Variants in VTI1A observed in about 807,000 individuals in gnomAD.
VTI1A encodes vesicle transport through interaction with t-SNAREs 1A, also known as vesicle transport through interaction with t-SNAREs homolog 1A.
VTI1A carries 22 observed loss-of-function variants against 34.9 expected under a neutral mutation model. The ratio of observed to expected loss-of-function variants is 0.63; its 90% confidence interval spans 0.45 to 0.90. The LOEUF (loss-of-function observed/expected upper bound fraction) is 0.90. VTI1A is among the 40% of genes least tolerant of loss of function. The pLI, the probability that VTI1A is intolerant of heterozygous loss-of-function variation, is 0.00. For missense variants in VTI1A, 268 were observed against 275.6 expected (o/e 0.97, Z 0.20); for synonymous variants, 87 against 97.3 (o/e 0.89, Z 0.62).
the VTI1A span, among the ~76,000 whole-genome samples, chr10:112,836,678 G>A: frequency 3.9e-5 from 6 of 152,134 alleles, no homozygotes; most frequent in Non-Finnish European, 8.8e-5. Context: ...TGACCTAAAA[G>A]GGGAGTCTAA....
chr10:112,631,485 T>G (rs915254440), intron 5 of VTI1A, among the ~76,000 whole-genome samples: 3 of 152,226 alleles, frequency 2.0e-5, no homozygotes, highest in Non-Finnish European at 4.4e-5. Flanking sequence ...TCATCTATTC[T>G]GGATATTCCA....
intron 7 of VTI1A, chr10:112,737,981 G>C: frequency 2.7e-6 from 2 of 735,510 alleles, no homozygotes; most frequent in Non-Finnish European, 1.7e-6. Context: ...CAAGTCCTCC[G>C]ATGTCCAGAG....
chr10:112,612,371 C>T (rs1845350859), intron 5 of VTI1A, among the ~76,000 whole-genome samples: 1 of 152,100 alleles, frequency 6.6e-6, no homozygotes, highest in African/African-American at 2.4e-5. Flanking sequence ...TTCTTGCTTC[C>T]TACTAGTCAT....
intron 1 of VTI1A, among the ~76,000 whole-genome samples, chr10:112,459,046 T>C (rs77102143): frequency 0.017 from 2,620 of 152,294 alleles, 61 homozygotes; most frequent in African/African-American, 0.057. Flanking sequence ...GTAGGTGTTG[T>C]ACCCATTTCA....
intron 7 of VTI1A, among the ~76,000 whole-genome samples, chr10:112,770,079 G>A (rs1411016368): frequency 2.7e-5 from 4 of 150,728 alleles, no homozygotes; most frequent in East Asian, 1.9e-4. Flanking sequence ...ATTTCAAACC[G>A]AGCAGGCCAA....
chr10:112,456,887 C>A (rs1415758613), intron 1 of VTI1A, among the ~76,000 whole-genome samples: 1 of 152,192 alleles, frequency 6.6e-6, no homozygotes, highest in African/African-American at 2.4e-5. Flanking sequence ...TCCTTGGTAT[C>A]CTGAGCTACT....
At chr10:112,783,153 T>A (rs1054806972) in intron 7 of VTI1A, among the ~76,000 whole-genome samples, 1 of 152,236 alleles carries the variant, frequency 6.6e-6, no homozygotes, top group Non-Finnish European at 1.5e-5. Flanking sequence ...GTGTGTAATC[T>A]TTGGGATAAT....
Position 112,595,825 on chromosome 10 carries a change from G to T in VTI1A, c.427+57495G>T, listed in dbSNP as rs1474290891. 5.9e-5 allele frequency among the ~76,000 whole-genome samples: 9 copies of T among 151,962 alleles called. No individual in the cohort carries two copies. The South Asian group carries it at 1.2e-3, about 21-fold the overall frequency. On this transcript the variant is annotated intron_variant, in intron 5 of 7. Transcript: ENST00000393077. ...TCCCATTACTGGGTATATACCCAAA[G>T]GACTATAAATCATGCTGCTATAAAG...
At chr10:112,841,584 G>T in the VTI1A span, among the ~76,000 whole-genome samples, 1 of 152,168 alleles carries the variant, frequency 6.6e-6, no homozygotes, top group Non-Finnish European at 1.5e-5. Context: ...GGACCCTCTT[G>T]CTGCCAGGGA....
intron 1 of VTI1A, among the ~76,000 whole-genome samples, chr10:112,452,006 A>G (rs1260709957): frequency 6.6e-6 from 1 of 152,200 alleles, no homozygotes; most frequent in African/African-American, 2.4e-5. Context: ...TTTATTTTTG[A>G]AAACTTTAAA....
chr10:112,781,234 C>T lies in VTI1A; in HGVS notation c.561-34056C>T, dbSNP rs957817791. ...TGCTGGGATTACAGGCATGAGCCAC[C>T]GCGCCCGGCCCAGATCTTAATTCAA... On this transcript the variant is annotated intron_variant, in intron 7 of 7. Coordinates refer to ENST00000393077, the MANE Select transcript of VTI1A (RefSeq NM_145206.4). 9.9e-5 allele frequency among the ~76,000 whole-genome samples: 15 copies of T among 152,074 alleles called. 1 individual carries two copies. The highest frequency in any genetic ancestry group is 6.4e-3 in the Middle Eastern group (2 of 314).
At chr10:112,611,538 G>A (rs1226491751) in intron 5 of VTI1A, among the ~76,000 whole-genome samples, 1 of 152,086 alleles carries the variant, frequency 6.6e-6, no homozygotes, top group Non-Finnish European at 1.5e-5. Context: ...GGTTCAGTGG[G>A]AAGCTTGTTG....
At chr10:112,550,767 G>A (rs760156096) in intron 5 of VTI1A, among the ~76,000 whole-genome samples, 5 of 152,024 alleles carry the variant, frequency 3.3e-5, no homozygotes, top group Non-Finnish European at 7.4e-5. Flanking sequence ...TTAGAGAGAG[G>A]AAGAAACCAT....
At chr10:112,790,557 C>T (rs1852427142) in intron 7 of VTI1A, among the ~76,000 whole-genome samples, 1 of 152,142 alleles carries the variant, frequency 6.6e-6, no homozygotes, top group African/African-American at 2.4e-5. Flanking sequence ...CTTTTATTGA[C>T]AATGCTGCTA....
intron 5 of VTI1A, among the ~76,000 whole-genome samples, chr10:112,600,102 G>A (rs1844825817): frequency 1.3e-5 from 2 of 152,142 alleles, no homozygotes; most frequent in Admixed American, 1.3e-4. Context: ...AGGGCTATCT[G>A]ACCCTAGTTA....
At chr10:112,713,996 C>T (rs1849520464) in intron 7 of VTI1A, among the ~76,000 whole-genome samples, 2 of 152,148 alleles carry the variant, frequency 1.3e-5, no homozygotes, top group Admixed American at 1.3e-4. Flanking sequence ...TTTCCTTCCA[C>T]TCTTCCCCTC....
intron 3 of VTI1A, among the ~76,000 whole-genome samples, chr10:112,475,695 A>G (rs1438775292): frequency 6.6e-6 from 1 of 152,218 alleles, no homozygotes; most frequent in African/African-American, 2.4e-5. Flanking sequence ...TGTTTTGCCC[A>G]GTGACTTTGA....
At chr10:112,548,318 A>G (rs1332704757) in intron 5 of VTI1A, among the ~76,000 whole-genome samples, 1 of 151,852 alleles carries the variant, frequency 6.6e-6, no homozygotes, top group Non-Finnish European at 1.5e-5. Flanking sequence ...TTTTTTTCTC[A>G]TTAAATTTTT....
At chr10:112,622,843 G>A (rs1278357552) in intron 5 of VTI1A, among the ~76,000 whole-genome samples, 2 of 152,194 alleles carry the variant, frequency 1.3e-5, no homozygotes, top group African/African-American at 4.8e-5. Context: ...AGAATAGGCT[G>A]TTACTTAAGT....
Sources: allele counts gnomAD v4.1 joint callset (sites outside exome capture counted in the v4.1 genomes callset), GRCh38; gene constraint gnomAD v4.1.1; transcripts MANE v1.5; gene names NCBI Gene and HGNC (gene_info 2026-07-23, HGNC 2026-07-21).